The following PPP2R3C variants were observed in gnomAD, a reference collection of about 807,000 sequenced individuals.
The protein encoded by PPP2R3C is protein phosphatase 2 regulatory subunit B''gamma, also known as serine/threonine-protein phosphatase 2A regulatory subunit B'' subunit gamma.
Under a neutral mutation model 63.7 loss-of-function variants are expected in PPP2R3C, and 47 were observed. That is an observed-to-expected ratio of 0.74 (90% CI 0.58 to 0.94). PPP2R3C has a LOEUF of 0.94. PPP2R3C is among the 40% of genes least tolerant of loss of function. The pLI is 0.00. For missense variants in PPP2R3C, 421 were observed against 518.4 expected, an observed-to-expected ratio of 0.81 and a Z score of 1.82; for synonymous variants, 180 against 177.4, an observed-to-expected ratio of 1.01 and a Z score of -0.12.
rs552130837 is a variant in PPP2R3C at position 35,108,406 on chromosome 14, A to T, written c.405-170T>A. Among the ~76,000 whole-genome samples, 259 of 135,998 alleles carry T rather than the reference A, an allele frequency of 1.9e-3. 1 individual carries two copies. Among genetic ancestry groups the T allele is most frequent in the African/African-American group, 6.3e-3 (221 of 35,140 alleles). 89.2% of individuals were successfully genotyped at this position (135,998 alleles called of 152,430 possible). On this transcript the variant is annotated intron_variant, in intron 4 of 12. Transcript: ENST00000261475. ...TTAAGTCAAACTTTTTTTTTTTTTTAAAAGAAATGGAGATTTGGCCAGGCG... is the reference window on the plus strand; with the variant it reads ...TTAAGTCAAACTTTTTTTTTTTTTTTAAAGAAATGGAGATTTGGCCAGGCG...
At chr14:35,110,239 C>T (rs996370770) in intron 3 of PPP2R3C, 4 of 437,010 alleles carry the variant, frequency 9.2e-6, no homozygotes, top group African/African-American at 6.1e-5. Context: ...TATAGCAGGG[C>T]TGGGATTTGA....
At chr14:35,116,531 A>T in intron 2 of PPP2R3C, 79 bp downstream of exon 2, 1 of 1,182,186 alleles carries the variant, frequency 8.5e-7, no homozygotes. Flanking sequence ...TTGGGATTAC[A>T]GGTATGAGCC....
At chr14:35,115,872 C>T (rs1052022187) in intron 2 of PPP2R3C, among the ~76,000 whole-genome samples, 1 of 152,102 alleles carries the variant, frequency 6.6e-6, no homozygotes, top group Non-Finnish European at 1.5e-5. Flanking sequence ...CACCACCCAC[C>T]TTGGCCTCCC....
At chr14:35,093,404 T>C (rs1007755429) in intron 10 of PPP2R3C, among the ~76,000 whole-genome samples, 4 of 152,166 alleles carry the variant, frequency 2.6e-5, no homozygotes, top group Non-Finnish European at 4.4e-5. Flanking sequence ...TCCATAGTTG[T>C]AGCCTGATTT....
At chr14:35,101,669 T>G (rs1195720252) in intron 6 of PPP2R3C, 2 of 152,340 alleles carry the variant, frequency 1.3e-5, no homozygotes, top group East Asian at 3.9e-4. Flanking sequence ...GGCAACTTAG[T>G]GTAGATTTAT....
chr14:35,089,179 T>G (rs1273005295), intron 11 of PPP2R3C, among the ~76,000 whole-genome samples: 1 of 152,152 alleles, frequency 6.6e-6, no homozygotes, highest in African/African-American at 2.4e-5. Context: ...CATGGATCAC[T>G]GCAGCCTTGA....
chr14:35,091,322 C>G, intron 10 of PPP2R3C, 115 bp from the exon 11 acceptor site: 5 of 1,021,842 alleles, frequency 4.9e-6, no homozygotes, highest in Non-Finnish European at 6.8e-6. Flanking sequence ...AATTTTTTCC[C>G]TAAGTTATGA....
intron 2 of PPP2R3C, among the ~76,000 whole-genome samples, chr14:35,112,551 C>T (rs2046595309): frequency 6.6e-6 from 1 of 152,270 alleles, no homozygotes; most frequent in African/African-American, 2.4e-5. Context: ...TCAGAAGGAA[C>T]AGAGTTAAAG....
chr14:35,101,389 C>CT (rs2046185665), intron 6 of PPP2R3C: 1 of 152,166 alleles, frequency 6.6e-6, no homozygotes. Context: ...AGTGTCCAGT[C>CT]TAATTCCCAG....
In PPP2R3C at chr14:35,096,774, C is replaced by A. The variant is rs1199493359; in HGVS notation, c.707-10G>T. Reference sequence around the variant, plus strand: ...TGAATTTTTATCTTTCCTTTAAGAACATAAAGAAACACAATTAATTTCATT... The same window carrying A: ...TGAATTTTTATCTTTCCTTTAAGAAAATAAAGAAACACAATTAATTTCATT... On this transcript the variant is annotated splice_polypyrimidine_tract_variant and intron_variant, in intron 7 of 12. Coordinates refer to ENST00000261475, the MANE Select transcript of PPP2R3C (RefSeq NM_017917.4). 1 of 1,558,850 alleles carries A rather than the reference C, an allele frequency of 6.4e-7. No homozygotes were observed. The highest frequency in any genetic ancestry group is 8.7e-7 in the Non-Finnish European group (1 of 1,155,504).
intron 9 of PPP2R3C, among the ~76,000 whole-genome samples, chr14:35,095,613 G>A (rs1475956949): frequency 6.6e-6 from 1 of 151,686 alleles, no homozygotes; most frequent in Non-Finnish European, 1.5e-5. Context: ...GCTGAGGAGG[G>A]CAGATCAGAG....
chr14:35,110,155 T>C (rs1053135134), intron 3 of PPP2R3C: 3 of 480,680 alleles, frequency 6.2e-6, no homozygotes, highest in African/African-American at 2.0e-5. Context: ...CACATCTCTA[T>C]GATATAGTTA....
chr14:35,117,717 G>A (rs2046748615), intron 1 of PPP2R3C, among the ~76,000 whole-genome samples: 2 of 146,268 alleles, frequency 1.4e-5, no homozygotes, highest in Admixed American at 1.4e-4. Context: ...TTTTGGAGAT[G>A]GAGCTTCACT....
At position 35,108,694 on chromosome 14, in the gene PPP2R3C, C is replaced by T. The variant is rs113461123; in HGVS notation, c.405-458G>A. ...CTGAGGCAGGAGAATCACTTGAACC[C>T]AGGAGGCGGAGGTTATAGTGAGCTG... is the stretch of plus-strand genomic sequence containing the variant. On this transcript the variant is annotated intron_variant, in intron 4 of 12. Transcript: ENST00000261475. 6.6e-5 allele frequency among the ~76,000 whole-genome samples: 10 copies of T among 151,984 alleles called. 1 individual carries two copies. The highest frequency in any genetic ancestry group is 3.3e-4 in the Admixed American group (5 of 15,254).
At chr14:35,117,447 T>G (rs536821578) in intron 1 of PPP2R3C, among the ~76,000 whole-genome samples, 145 of 152,328 alleles carry the variant, frequency 9.5e-4, no homozygotes, top group African/African-American at 3.3e-3. Flanking sequence ...TTTGGTTCTA[T>G]GACAAGATCA....
At chr14:35,093,123 G>A (rs2045879688) in intron 10 of PPP2R3C, among the ~76,000 whole-genome samples, 1 of 152,074 alleles carries the variant, frequency 6.6e-6, no homozygotes, top group Admixed American at 6.6e-5. Flanking sequence ...TGAGGCAGGA[G>A]AATGGCGTCA....
chr14:35,108,807 G>T (rs1369891166), intron 4 of PPP2R3C, among the ~76,000 whole-genome samples: 1 of 151,752 alleles, frequency 6.6e-6, no homozygotes, highest in Non-Finnish European at 1.5e-5. Flanking sequence ...ACAGAGATTT[G>T]CTCTGTTGCC....
At chr14:35,097,985 G>A (rs1431536382) in intron 7 of PPP2R3C, among the ~76,000 whole-genome samples, 1 of 152,066 alleles carries the variant, frequency 6.6e-6, no homozygotes, top group Admixed American at 6.6e-5. Flanking sequence ...ATAAAATGTG[G>A]ACAATAATGT....
chr14:35,115,871 C>A (rs999154490), intron 2 of PPP2R3C, among the ~76,000 whole-genome samples: 3 of 152,230 alleles, frequency 2.0e-5, no homozygotes, highest in Non-Finnish European at 1.5e-5. Context: ...CCACCACCCA[C>A]CTTGGCCTCC....
Sources: allele counts gnomAD v4.1 joint callset (sites outside exome capture counted in the v4.1 genomes callset), GRCh38; gene constraint gnomAD v4.1.1; transcripts MANE v1.5; gene names NCBI Gene and HGNC (gene_info 2026-07-23, HGNC 2026-07-21).